Variants in IL1RAPL1 observed in about 807,000 individuals in gnomAD.
IL1RAPL1 encodes the protein interleukin 1 receptor accessory protein like 1.
Under a neutral mutation model 48.4 loss-of-function variants are expected in IL1RAPL1, and 3 were observed. The observed-to-expected ratio is 0.06, with a 90% CI of 0.03 to 0.16. The LOEUF is 0.16. Ranked by LOEUF, IL1RAPL1 falls within the 10% of genes least tolerant of loss-of-function variation. The pLI, the probability that IL1RAPL1 is intolerant of heterozygous loss-of-function variation, is 1.00. For synonymous variants in IL1RAPL1, 185 were observed against 187.7 expected, an observed-to-expected ratio of 0.99 and a Z score of 0.12; for missense variants, 349 against 530.6, an observed-to-expected ratio of 0.66 and a Z score of 3.36.
chrX:29,489,394 G>T (rs1935131920), intron 5 of IL1RAPL1, among the ~76,000 whole-genome samples: 1 of 111,647 alleles, frequency 9.0e-6, no homozygotes, highest in Admixed American at 9.5e-5. Flanking sequence ...AAGTATTAAT[G>T]AATATTTTAC....
At chrX:29,458,431 AAT>A (rs1181020947) in intron 5 of IL1RAPL1, among the ~76,000 whole-genome samples, 5 of 92,532 alleles carry the variant, frequency 5.4e-5, no homozygotes, top group African/African-American at 1.7e-4. Context: ...TGGATACAAG[AAT>A]ATATACAAAG....
chrX:29,407,016 C>T (rs1408408884), intron 5 of IL1RAPL1, among the ~76,000 whole-genome samples: 2 of 112,075 alleles, frequency 1.8e-5, no homozygotes. Flanking sequence ...TGTATTATTT[C>T]ACCTCTCTTT....
chrX:29,771,776 G>T (rs992327902), intron 6 of IL1RAPL1, among the ~76,000 whole-genome samples: 18 of 111,455 alleles, frequency 1.6e-4, no homozygotes, highest in Non-Finnish European at 3.4e-4. Flanking sequence ...GTGTTAGTTT[G>T]TTCTCACACT....
At chrX:28,842,341 T>C (rs1221683015) in intron 2 of IL1RAPL1, among the ~76,000 whole-genome samples, 1 of 111,457 alleles carries the variant, frequency 9.0e-6, no homozygotes, top group Non-Finnish European at 1.9e-5. Flanking sequence ...ACTTGTATTT[T>C]ATGAACGATT....
At chrX:29,598,331 G>GT (rs1923618549) in intron 5 of IL1RAPL1, among the ~76,000 whole-genome samples, 1 of 111,996 alleles carries the variant, frequency 8.9e-6, no homozygotes, top group Non-Finnish European at 1.9e-5. Context: ...TATTTGCATG[G>GT]TTTTGAGGGA....
At chrX:28,960,854 C>G (rs1050116553) in intron 2 of IL1RAPL1, among the ~76,000 whole-genome samples, 1 of 108,230 alleles carries the variant, frequency 9.2e-6, no homozygotes, top group African/African-American at 3.4e-5. Context: ...TAAAAAAATA[C>G]AAAAAATTAG....
chrX:29,717,693 A>G (rs150444908), intron 6 of IL1RAPL1, among the ~76,000 whole-genome samples: 2,871 of 112,158 alleles, frequency 0.026, 90 homozygotes, highest in African/African-American at 0.089. Flanking sequence ...GTCTATGGCT[A>G]TTTTTGAGCT....
intron 2 of IL1RAPL1, among the ~76,000 whole-genome samples, chrX:28,956,755 A>G (rs1924622461): frequency 9.2e-6 from 1 of 108,379 alleles, no homozygotes; most frequent in Middle Eastern, 4.7e-3. Context: ...TGGCTTTGGT[A>G]TCAGAATGAT....
chrX:29,495,115 TA>T (rs1935199743), intron 5 of IL1RAPL1, among the ~76,000 whole-genome samples: 1 of 112,268 alleles, frequency 8.9e-6, no homozygotes, highest in Non-Finnish European at 1.9e-5. Context: ...TCCCATATGT[TA>T]AATCTACCTA....
At chrX:29,947,628 C>A (rs1266994149) in intron 9 of IL1RAPL1, among the ~76,000 whole-genome samples, 2 of 111,172 alleles carry the variant, frequency 1.8e-5, no homozygotes, top group African/African-American at 3.3e-5. Flanking sequence ...ATTTCTTTTT[C>A]TTTCTCTTTC....
chrX:28,658,239 A>G (rs910247961), intron 1 of IL1RAPL1, among the ~76,000 whole-genome samples: 2 of 112,216 alleles, frequency 1.8e-5, no homozygotes, highest in Non-Finnish European at 3.8e-5. Flanking sequence ...TATTTTTGAG[A>G]CGGAGTCTCA....
chrX:28,696,982 G>C (rs1006040719), intron 1 of IL1RAPL1, among the ~76,000 whole-genome samples: 1 of 111,637 alleles, frequency 9.0e-6, no homozygotes, highest in Non-Finnish European at 1.9e-5. Flanking sequence ...AAGAAGATGA[G>C]TCTTAAAATT....
rs111583309 is a variant in IL1RAPL1, at chrX:28,630,672, A to G, written c.-25+42625A>G. 3.7e-3 allele frequency among the ~76,000 whole-genome samples: 420 copies of G among 112,412 alleles called. 1 individual carries two copies. Among genetic ancestry groups the G allele is most frequent in the African/African-American group, 0.012 (387 of 30,961 alleles). ...ATTTTCTAGCAATTTTAAGGAGGAT[A>G]AAAATAATTCTTGAGTGAAATAATT... On this transcript the variant is annotated intron_variant, in intron 1 of 10. Transcript: ENST00000378993.
intron 1 of IL1RAPL1, among the ~76,000 whole-genome samples, chrX:28,674,314 T>C (rs146817494): frequency 0.087 from 9,550 of 110,059 alleles, 426 homozygotes; most frequent in Non-Finnish European, 0.14. Context: ...TTCCTTCTCA[T>C]TGTGGAAAAT....
At position 28,831,026 on chromosome X, in the gene IL1RAPL1, C is replaced by CTCTCTCTCTCTG. The variant is rs1438889606; in HGVS notation, c.82+41602_82+41603insCTCTCTCTCTGT. Among the ~76,000 whole-genome samples, 15 of 33,645 alleles carry CTCTCTCTCTCTG rather than the reference C, an allele frequency of 4.5e-4. 1 individual carries two copies. The highest frequency in any genetic ancestry group is 2.1e-3 in the African/African-American group (14 of 6,635). The allele number at this position is 33,645 out of a possible 115,157, so 29.2% of individuals were successfully genotyped here. A position where few individuals can be genotyped will look rare whatever the true frequency, so the allele number is the denominator to read the frequency against. On this transcript the variant is annotated intron_variant, in intron 2 of 10. Coordinates refer to ENST00000378993, the MANE Select transcript of IL1RAPL1 (RefSeq NM_014271.4). ...TCTCTCTCTCTCTCTCTCTCTCTCTCTGTGTGTGTGTGTGTGTGTGTGTGT... is the reference window on the plus strand; with the variant it reads ...TCTCTCTCTCTCTCTCTCTCTCTCTCTCTCTCTCTCTGTGTGTGTGTGTGTGTGTGTGTGTGT...
At chrX:29,305,527 AAGAG>A (rs2147614405) in intron 3 of IL1RAPL1, among the ~76,000 whole-genome samples, 1 of 111,942 alleles carries the variant, frequency 8.9e-6, no homozygotes, top group African/African-American at 3.2e-5. Flanking sequence ...AAGAGGGCAA[AAGAG>A]TTATAGAACC....
rs980990240 is a variant in IL1RAPL1 at position 29,955,908 on chromosome X, A to G, written c.*88A>G. ...AACTAAATCCTCGACTGCTGCTGTT[A>G]AAAAACATGCATTAGAATCTCTAGA... On this transcript the variant is annotated 3_prime_UTR_variant, in exon 11 of 11. Transcript: ENST00000378993. 1.6e-5 allele frequency: 11 copies of G among 703,788 alleles called. No individual in the cohort carries two copies. The highest frequency in any genetic ancestry group is 2.3e-5 in the Non-Finnish European group (10 of 440,877). 58.0% of individuals were successfully genotyped at this position (703,788 alleles called of 1,213,427 possible).
At chrX:28,719,336 A>T (rs948623622) in intron 1 of IL1RAPL1, among the ~76,000 whole-genome samples, 7 of 111,341 alleles carry the variant, frequency 6.3e-5, no homozygotes, top group African/African-American at 9.8e-5. Context: ...GTAAGGATTC[A>T]TTGGAAAGTA....
At chrX:28,986,162 A>G (rs1037997951) in intron 2 of IL1RAPL1, among the ~76,000 whole-genome samples, 2 of 111,802 alleles carry the variant, frequency 1.8e-5, no homozygotes, top group Middle Eastern at 4.6e-3. Flanking sequence ...CAAAGAAGAC[A>G]TAAAACTTGC....
Sources: allele counts gnomAD v4.1 joint callset (sites outside exome capture counted in the v4.1 genomes callset), GRCh38; gene constraint gnomAD v4.1.1; transcripts MANE v1.5; gene names NCBI Gene and HGNC (gene_info 2026-07-23, HGNC 2026-07-21).